The following EDIL3 variants were observed in gnomAD, a reference collection of about 807,000 sequenced individuals.
EDIL3 encodes EGF-like repeat and discoidin I-like domain-containing protein 3.
Under a neutral mutation model 67.4 loss-of-function variants are expected in EDIL3, and 37 were observed. The ratio of observed to expected loss-of-function variants is 0.55; its 90% confidence interval spans 0.42 to 0.72. EDIL3 has a LOEUF of 0.72. EDIL3 is among the 30% of genes least tolerant of loss of function. EDIL3 has a pLI of 0.00. For synonymous variants in EDIL3, 195 were observed against 196.3 expected, an observed-to-expected ratio of 0.99 and a Z score of 0.05; for missense variants, 527 against 586.3, an observed-to-expected ratio of 0.90 and a Z score of 1.04.
At chr5:84,355,960 C>T (rs1283492206) in intron 1 of EDIL3, among the ~76,000 whole-genome samples, 1 of 152,152 alleles carries the variant, frequency 6.6e-6, no homozygotes, top group East Asian at 1.9e-4. Flanking sequence ...TGGGCTGCTG[C>T]CTTTCATTCC....
chr5:84,182,762 C>T (rs894877854), intron 3 of EDIL3, among the ~76,000 whole-genome samples: 1 of 151,464 alleles, frequency 6.6e-6, no homozygotes, highest in Non-Finnish European at 1.5e-5. Flanking sequence ...CTTGACTTCC[C>T]GATAGGACTG....
intron 9 of EDIL3, among the ~76,000 whole-genome samples, chr5:84,026,727 T>G (rs1322423328): frequency 6.6e-6 from 1 of 152,224 alleles, no homozygotes; most frequent in Non-Finnish European, 1.5e-5. Flanking sequence ...TCAAATCATT[T>G]AAATAGCTGC....
intron 1 of EDIL3, among the ~76,000 whole-genome samples, chr5:84,295,638 ATTAAT>A (rs1308146292): frequency 1.3e-5 from 2 of 152,100 alleles, no homozygotes; most frequent in African/African-American, 4.8e-5. Flanking sequence ...AATATATAAT[ATTAAT>A]TTAAACATAT....
chr5:84,129,086 C>A lies in EDIL3; in HGVS notation c.469+8155G>T, dbSNP rs145961450. Among the ~76,000 whole-genome samples, 211 of 152,186 alleles carry A rather than the reference C, an allele frequency of 1.4e-3. 1 individual carries two copies. The highest frequency in any genetic ancestry group is 4.7e-3 in the African/African-American group (195 of 41,540). On this transcript the variant is annotated intron_variant, in intron 5 of 10. Coordinates refer to ENST00000296591, the MANE Select transcript of EDIL3 (RefSeq NM_005711.5). ...ATAACTTTAAGGTACAGTAGGTGAA[C>A]CTTCAAAGTGTGATAATTCTGTACA...
intron 3 of EDIL3, among the ~76,000 whole-genome samples, chr5:84,183,751 G>A (rs569932194): frequency 1.3e-5 from 2 of 152,300 alleles, no homozygotes; most frequent in South Asian, 2.1e-4. Context: ...AGGGTTGGAC[G>A]AGGGAGGAAT....
intron 2 of EDIL3, among the ~76,000 whole-genome samples, chr5:84,240,891 A>T (rs566534823): frequency 6.6e-6 from 1 of 151,996 alleles, no homozygotes; most frequent in Admixed American, 6.5e-5. Flanking sequence ...CTGAGCAACC[A>T]CTAATGCTAA....
intron 9 of EDIL3, among the ~76,000 whole-genome samples, chr5:84,055,014 C>G (rs1174661325): frequency 2.1e-5 from 3 of 145,990 alleles, no homozygotes; most frequent in Non-Finnish European, 4.4e-5. Context: ...AATCCTAAGC[C>G]AAAAGAACAA....
chr5:84,212,997 T>TAAAAAAA (rs199898963), intron 3 of EDIL3, among the ~76,000 whole-genome samples: 1 of 108,956 alleles, frequency 9.2e-6, no homozygotes. Context: ...CAGAGAAGAC[T>TAAAAAAA]AAAAAAAAAA....
intron 1 of EDIL3, among the ~76,000 whole-genome samples, chr5:84,361,526 C>A (rs770123192): frequency 1.3e-5 from 2 of 151,916 alleles, no homozygotes; most frequent in Admixed American, 6.6e-5. Flanking sequence ...AACTATTGCC[C>A]ATTCTTTAAA....
chr5:84,111,948 A>G (rs568315976), intron 5 of EDIL3, among the ~76,000 whole-genome samples: 9 of 152,262 alleles, frequency 5.9e-5, no homozygotes, highest in Non-Finnish European at 1.2e-4. Flanking sequence ...TTCCCGGAAA[A>G]GAATAGGAGC....
chr5:83,958,346 A>C (rs1013701457), intron 10 of EDIL3, among the ~76,000 whole-genome samples: 3 of 151,538 alleles, frequency 2.0e-5, no homozygotes, highest in African/African-American at 7.3e-5. Flanking sequence ...ATAATCAGAC[A>C]ATTATGGTAA....
chr5:84,221,395 T>A (rs183534418), intron 3 of EDIL3, among the ~76,000 whole-genome samples: 1 of 152,154 alleles, frequency 6.6e-6, no homozygotes, highest in East Asian at 1.9e-4. Context: ...AAGATGAGTA[T>A]ACAATTTTCC....
chr5:84,280,115 A>G (rs1745667308), intron 1 of EDIL3, among the ~76,000 whole-genome samples: 1 of 152,184 alleles, frequency 6.6e-6, no homozygotes, highest in Non-Finnish European at 1.5e-5. Flanking sequence ...ATGTTTCTAC[A>G]TCTTTGCTTT....
chr5:84,101,815 T>C (rs544062250), intron 6 of EDIL3, among the ~76,000 whole-genome samples: 76 of 152,156 alleles, frequency 5.0e-4, no homozygotes, highest in African/African-American at 1.7e-3. Context: ...TCCTAACTCA[T>C]TCTACAAGGC....
intron 4 of EDIL3, among the ~76,000 whole-genome samples, chr5:84,174,581 G>A (rs1285534091): frequency 6.6e-6 from 1 of 152,168 alleles, no homozygotes; most frequent in Non-Finnish European, 1.5e-5. Flanking sequence ...AGGATGGATG[G>A]TTGATGCAGA....
chr5:83,946,472 A>G (rs1470035551), intron 10 of EDIL3, among the ~76,000 whole-genome samples: 2 of 151,904 alleles, frequency 1.3e-5, no homozygotes, highest in African/African-American at 4.8e-5. Context: ...AACTCCCTCA[A>G]TGTAGCTATC....
rs866763221 is a variant in EDIL3, at chr5:84,088,626, G to A, written c.651+18023C>T. ...TTTTAATCTGAGAAATGAAAATACA[G>A]CCCATGTATTATGAATTCAGAGAAA... On this transcript the variant is annotated intron_variant, in intron 6 of 10. Coordinates refer to ENST00000296591, the MANE Select transcript of EDIL3 (RefSeq NM_005711.5). 4.5e-4 allele frequency among the ~76,000 whole-genome samples: 68 copies of A among 152,172 alleles called. 1 individual carries two copies. The highest frequency in any genetic ancestry group is 1.5e-3 in the African/African-American group (64 of 41,488).
At chr5:84,360,638 A>G (rs952673797) in intron 1 of EDIL3, among the ~76,000 whole-genome samples, 1 of 152,184 alleles carries the variant, frequency 6.6e-6, no homozygotes, top group African/African-American at 2.4e-5. Flanking sequence ...TGGAGTAAAC[A>G]TGGAAAGGAA....
At chr5:84,282,897 AT>A (rs1328872710) in intron 1 of EDIL3, among the ~76,000 whole-genome samples, 1 of 152,112 alleles carries the variant, frequency 6.6e-6, no homozygotes, top group Non-Finnish European at 1.5e-5. Context: ...AGTAACTGTT[AT>A]TTCTTTTTCA....
Sources: allele counts gnomAD v4.1 joint callset (sites outside exome capture counted in the v4.1 genomes callset), GRCh38; gene constraint gnomAD v4.1.1; transcripts MANE v1.5; gene names NCBI Gene and HGNC (gene_info 2026-07-23, HGNC 2026-07-21).